The following COQ9 variants were observed in gnomAD, a reference collection of about 807,000 sequenced individuals.
COQ9 encodes the protein ubiquinone biosynthesis protein COQ9, mitochondrial.
A neutral mutation model predicts 42.4 loss-of-function variants in COQ9; 35 were observed. That is an observed-to-expected ratio of 0.83 (90% CI 0.63 to 1.10). The LOEUF is 1.10. Ranked by LOEUF, COQ9 falls within the 50% of genes least tolerant of loss-of-function variation. The pLI is 0.00. For missense variants in COQ9, 406 were observed against 414.6 expected (o/e 0.98, Z 0.18); for synonymous variants, 155 against 155.1 (o/e 1.00, Z 0.00).
chr16:57,459,388 C>T (rs1242463356), intron 6 of COQ9, among the ~76,000 whole-genome samples, 177 bp from the exon 7 acceptor site: 1 of 152,136 alleles, frequency 6.6e-6, no homozygotes, highest in African/African-American at 2.4e-5. Context: ...CATTTTTAAT[C>T]AAGTAGGTAA....
intron 6 of COQ9, among the ~76,000 whole-genome samples, 188 bp downstream of exon 6, chr16:57,458,538 A>G (rs1325508970): frequency 6.6e-6 from 1 of 152,262 alleles, no homozygotes; most frequent in African/African-American, 2.4e-5. Context: ...TTCAGGGACC[A>G]GCATTCTAGC....
chr16:57,447,728 C>T, intron 1 of COQ9, 150 bp downstream of exon 1: 1 of 596,966 alleles, frequency 1.7e-6, no homozygotes, highest in East Asian at 3.5e-5. Flanking sequence ...TCGGGCGAGC[C>T]GCCTGGCTAG....
chr16:57,458,793 T>C (rs1371267215), intron 6 of COQ9, among the ~76,000 whole-genome samples: 2 of 152,220 alleles, frequency 1.3e-5, no homozygotes, highest in African/African-American at 2.4e-5. Context: ...TAAGGCTCTT[T>C]AAACAGCACC....
At chr16:57,453,014 A>C in intron 3 of COQ9, 78 bp downstream of exon 3, 2 of 1,579,842 alleles carry the variant, frequency 1.3e-6, no homozygotes, top group South Asian at 1.1e-5. Flanking sequence ...GGGGGGCCTC[A>C]TGCCTTCTTC....
intron 3 of COQ9, among the ~76,000 whole-genome samples, chr16:57,455,397 T>TTATATATATATATATATATATA: frequency 7.0e-6 from 1 of 142,866 alleles, no homozygotes; most frequent in African/African-American, 2.6e-5. Flanking sequence ...CACGCTGATT[T>TTATATATATATATATATATATA]TATATATATA....
In COQ9 at chr16:57,459,471, T is replaced by A. The variant is rs183787578; in HGVS notation, c.712-94T>A. 4.4e-5 allele frequency: 54 copies of A among 1,239,496 alleles called. No homozygotes were observed. The Admixed American group carries it at 7.7e-4, about 18-fold the overall frequency. The allele number at this position is 1,239,496 out of a possible 1,614,324, so 76.8% of individuals were successfully genotyped here. ...AGATGTATCTGTGACAGTCAAGAAG[T>A]AGTCAAGAGGGAACCCAGGAGTTCC... On this transcript the variant is annotated intron_variant, in intron 6 of 8. Transcript: ENST00000262507.
chr16:57,447,796 C>T (rs2030164777), intron 1 of COQ9: 2 of 394,432 alleles, frequency 5.1e-6, no homozygotes, highest in African/African-American at 4.1e-5. Context: ...GGCCTGTCAC[C>T]CCCATTTCAT....
In COQ9 at chr16:57,456,524, A is replaced by G; in HGVS notation, c.399A>G (p.Ala133=). The G allele has an allele frequency of 6.2e-7, 1 of 1,614,190 alleles. No individual in the cohort carries two copies. Residue 133 remains alanine (A), a synonymous_variant, in exon 4 of 9, where the codon GCA becomes GCG. Transcript: ENST00000262507. ...EGAQSLGLSS[A]AASMFGKDGS... is the part of the protein sequence containing the mutation. The stretch of plus-strand genomic sequence containing the variant: ...TGTAGTCTCTGGGTCTCTCCAGTGC[A>G]GCAGCCAGCATGTTCGGGAAGGATG...
At position 57,461,116 on chromosome 16, in the gene COQ9, C is replaced by T. The variant is rs550304608; in HGVS notation, c.*492C>T. On this transcript the variant is annotated 3_prime_UTR_variant, in exon 9 of 9. Transcript: ENST00000262507. Reference sequence around the variant, plus strand: ...CTCTCAGGTGTCCTGAGATGCTGTTCCTGGGAGCCCCCTCAGAAAACTGCC... The same window carrying T: ...CTCTCAGGTGTCCTGAGATGCTGTTTCTGGGAGCCCCCTCAGAAAACTGCC... The T allele has an allele frequency of 4.8e-4, 219 of 454,824 alleles. No individual in the cohort carries two copies. Among genetic ancestry groups the T allele is most frequent in the Non-Finnish European group, 7.0e-4 (159 of 226,680 alleles). 28.2% of individuals were successfully genotyped at this position (454,824 alleles called of 1,614,324 possible).
chr16:57,457,004 C>G lies in COQ9; in HGVS notation c.595C>G (p.His199Asp), dbSNP rs2030419645. ...RLRMLIPYIEHWPRALSILML... is the reference protein window; with the variant it reads ...RLRMLIPYIEDWPRALSILML... ...GAGAATGCTGATCCCATACATTGAG[C>G]ACTGGCCCCGGGTACCAAGTCTATA... Residue 199 changes from histidine (H) to aspartate (D), a missense_variant, in exon 5 of 9, where the codon CAC (histidine) becomes GAC (aspartate). By Grantham distance (81) the His-to-Asp change is moderately conservative. Transcript: ENST00000262507. The G allele has an allele frequency of 6.2e-7, 1 of 1,613,328 alleles. No homozygotes were observed. Among genetic ancestry groups the G allele is most frequent in the Non-Finnish European group, 8.5e-7 (1 of 1,179,350 alleles).
At chr16:57,453,230 A>G (rs2146588062) in intron 3 of COQ9, 1 of 488,726 alleles carries the variant, frequency 2.0e-6, no homozygotes, top group African/African-American at 1.9e-5. Context: ...ATTGGTTGTA[A>G]GAAGCATCAT....
intron 3 of COQ9, 100 bp from the exon 4 acceptor site, chr16:57,456,404 C>G: frequency 1.5e-6 from 2 of 1,369,028 alleles, no homozygotes; most frequent in Non-Finnish European, 2.1e-6. Flanking sequence ...GTGAAGAAAT[C>G]AAGCTGCTGT....
At chr16:57,456,352 G>T in intron 3 of COQ9, 152 bp from the exon 4 acceptor site, 1 of 791,794 alleles carries the variant, frequency 1.3e-6, no homozygotes. Flanking sequence ...AGGGTGGAGG[G>T]ACCGGTGGTG....
intron 1 of COQ9, chr16:57,447,789 C>T (rs1879260937): frequency 7.6e-6 from 3 of 396,984 alleles, no homozygotes; most frequent in Non-Finnish European, 1.3e-5. Flanking sequence ...GGGGCAGGGC[C>T]TGTCACCCCC....
At chr16:57,457,628 G>T (rs2030436099) in intron 5 of COQ9, among the ~76,000 whole-genome samples, 1 of 152,218 alleles carries the variant, frequency 6.6e-6, no homozygotes, top group South Asian at 2.1e-4. Context: ...CGTAGTTTCA[G>T]TCATTCAGTT....
At chr16:57,453,108 T>C (rs1309935416) in intron 3 of COQ9, 172 bp downstream of exon 3, 1 of 783,994 alleles carries the variant, frequency 1.3e-6, no homozygotes, top group African/African-American at 1.7e-5. Context: ...ATTTTGTAGT[T>C]ATAAAGAACA....
At chr16:57,459,357 G>A (rs963606788) in intron 6 of COQ9, among the ~76,000 whole-genome samples, 10 of 152,222 alleles carry the variant, frequency 6.6e-5, no homozygotes, top group African/African-American at 2.4e-4. Flanking sequence ...CTACTCTTAA[G>A]AGGTTGGGCC....
Position 57,456,344 on chromosome 16 carries a change from G to C in COQ9, c.379-160G>C, listed in dbSNP as rs1435426858. The C allele has an allele frequency of 4.0e-6, 3 of 747,828 alleles. 1 individual carries two copies. Among genetic ancestry groups the C allele is most frequent in the Non-Finnish European group, 7.0e-6 (3 of 428,186 alleles). The allele number at this position is 747,828 out of a possible 1,614,324, so 46.3% of individuals were successfully genotyped here. On this transcript the variant is annotated intron_variant, in intron 3 of 8. Coordinates refer to ENST00000262507, the MANE Select transcript of COQ9 (RefSeq NM_020312.4). ...GCACACACACCAAGGGGCTTTGCAG[G>C]GTGGAGGGACCGGTGGTGGTCAGTT...
chr16:57,447,827 G>C, intron 1 of COQ9: 1 of 375,552 alleles, frequency 2.7e-6, no homozygotes, highest in Non-Finnish European at 4.7e-6. Flanking sequence ...GAGCCTCAGA[G>C]AGGGCTCGGG....
Sources: allele counts gnomAD v4.1 joint callset (sites outside exome capture counted in the v4.1 genomes callset), GRCh38; gene constraint gnomAD v4.1.1; transcripts MANE v1.5; gene names NCBI Gene and HGNC (gene_info 2026-07-23, HGNC 2026-07-21).